The following CNTN4 variants were observed in gnomAD, a reference collection of about 807,000 sequenced individuals.
CNTN4 encodes the protein contactin 4.
A neutral mutation model predicts 122.5 loss-of-function variants in CNTN4; 77 were observed. That is an observed-to-expected ratio of 0.63 (90% CI 0.52 to 0.76). CNTN4 has a LOEUF of 0.76. Among genes scored for constraint, CNTN4 ranks in the 30% least tolerant of loss-of-function variants. The pLI is 0.00. For missense variants in CNTN4, 1,256 were observed against 1,259.1 expected (o/e 1.00, Z 0.04); for synonymous variants, 512 against 447.0 (o/e 1.15, Z -1.83).
rs897202463 is a variant in CNTN4 at position 2,533,880 on chromosome 3, A to T, written c.-88-37536A>T. 2.0e-5 allele frequency among the ~76,000 whole-genome samples: 3 copies of T among 151,126 alleles called. No individual in the cohort carries two copies. In the East Asian group the frequency reaches 5.8e-4, roughly 29 times the overall value. ...GACCAGTGATGATGAGCATTTTTTC[A>T]TGTGTCTGTTGGCTGCACAAATGTC... On this transcript the variant is annotated intron_variant, in intron 3 of 24. Coordinates refer to ENST00000418658, the MANE Select transcript of CNTN4 (RefSeq NM_175607.3).
At position 2,796,535 on chromosome 3, in the gene CNTN4, G is replaced by A. The variant is rs540109767; in HGVS notation, c.359-22951G>A. Among the ~76,000 whole-genome samples, 27 of 152,036 alleles carry A rather than the reference G, an allele frequency of 1.8e-4. 1 individual carries two copies. The East Asian group carries it at 4.8e-3, about 27-fold the overall frequency. On this transcript the variant is annotated intron_variant, in intron 6 of 24. Coordinates refer to ENST00000418658, the MANE Select transcript of CNTN4 (RefSeq NM_175607.3). ...GAGCTAGAATCTAAAAATAAAACCCGTACTTAATACACAAGCTAAATATAC... is the reference window on the plus strand; with the variant it reads ...GAGCTAGAATCTAAAAATAAAACCCATACTTAATACACAAGCTAAATATAC...
At position 2,354,230 on chromosome 3, in the gene CNTN4, GAAT is replaced by G. The variant is rs772531825; in HGVS notation, c.-89+15000_-89+15002del. 6.7e-4 allele frequency among the ~76,000 whole-genome samples: 102 copies of G among 152,278 alleles called. 1 individual carries two copies. The highest frequency in any genetic ancestry group is 3.4e-3 in the Middle Eastern group (1 of 294). ...TAATCACTTCCATATTGCTACAGTTGAATAAGAACTGTATTTTGGGCTGGGCAT... is the reference window on the plus strand; with the variant it reads ...TAATCACTTCCATATTGCTACAGTTGAAGAACTGTATTTTGGGCTGGGCAT... On this transcript the variant is annotated intron_variant, in intron 3 of 24. Transcript: ENST00000418658.
intron 14 of CNTN4, chr3:3,009,083 C>T: frequency 1.0e-6 from 1 of 961,162 alleles, no homozygotes; most frequent in Non-Finnish European, 1.2e-6. Flanking sequence ...TCCGGAGCCA[C>T]AATTAGGGAA....
chr3:2,287,853 C>G (rs779343966), intron 2 of CNTN4, among the ~76,000 whole-genome samples: 1 of 152,028 alleles, frequency 6.6e-6, no homozygotes, highest in Non-Finnish European at 1.5e-5. Context: ...ACTTTGTGAA[C>G]TATTTATATT....
chr3:2,288,818 T>C (rs1028228800), intron 2 of CNTN4, among the ~76,000 whole-genome samples: 1 of 152,078 alleles, frequency 6.6e-6, no homozygotes, highest in South Asian at 2.1e-4. Flanking sequence ...GGCTGGAAAA[T>C]GTTAAATAAA....
chr3:2,384,595 C>G (rs534980876), intron 3 of CNTN4, among the ~76,000 whole-genome samples: 1 of 152,118 alleles, frequency 6.6e-6, no homozygotes, highest in South Asian at 2.1e-4. Context: ...TTGCAAATGC[C>G]CAGCTAAATC....
At chr3:2,770,323 C>T (rs946682457) in intron 6 of CNTN4, among the ~76,000 whole-genome samples, 5 of 152,278 alleles carry the variant, frequency 3.3e-5, no homozygotes, top group Admixed American at 6.5e-5. Context: ...CCACCGTTTC[C>T]GGCCCTCTTC....
At chr3:2,195,034 C>A (rs1489513736) in intron 2 of CNTN4, among the ~76,000 whole-genome samples, 1 of 152,100 alleles carries the variant, frequency 6.6e-6, no homozygotes, top group African/African-American at 2.4e-5. Flanking sequence ...TCCAGTCTAT[C>A]TGAGACTTTA....
intron 6 of CNTN4, among the ~76,000 whole-genome samples, chr3:2,793,186 G>C (rs1185595749): frequency 6.6e-6 from 1 of 152,056 alleles, no homozygotes; most frequent in African/African-American, 2.4e-5. Context: ...AAACAGGTTT[G>C]CTTGCTGGAA....
At chr3:2,616,183 C>G (rs2081727602) in intron 4 of CNTN4, among the ~76,000 whole-genome samples, 1 of 144,474 alleles carries the variant, frequency 6.9e-6, no homozygotes, top group East Asian at 2.1e-4. Flanking sequence ...GTGTGTTGTT[C>G]CCCTCCCTGT....
At chr3:2,661,483 G>A (rs6784663) in intron 4 of CNTN4, among the ~76,000 whole-genome samples, 7,872 of 151,316 alleles carry the variant, frequency 0.052, 691 homozygotes, top group African/African-American at 0.18. Context: ...TAAGAAAGAA[G>A]CAAAAAAGCT....
intron 14 of CNTN4, among the ~76,000 whole-genome samples, chr3:3,003,881 C>A (rs190337341): frequency 6.6e-6 from 1 of 152,110 alleles, no homozygotes; most frequent in East Asian, 1.9e-4. Context: ...CACTAGGTAG[C>A]TGGGATTACA....
At chr3:2,820,857 A>G (rs1469017524) in intron 7 of CNTN4, among the ~76,000 whole-genome samples, 1 of 151,712 alleles carries the variant, frequency 6.6e-6, no homozygotes, top group Non-Finnish European at 1.5e-5. Flanking sequence ...GTGGAGACTC[A>G]TAGCAACTAG....
At chr3:2,245,204 G>C (rs1312920962) in intron 2 of CNTN4, among the ~76,000 whole-genome samples, 1 of 151,738 alleles carries the variant, frequency 6.6e-6, no homozygotes, top group African/African-American at 2.4e-5. Context: ...TATTTTGGGA[G>C]ATACTTAGTA....
At chr3:2,169,839 T>C (rs925711255) in intron 2 of CNTN4, among the ~76,000 whole-genome samples, 1 of 151,176 alleles carries the variant, frequency 6.6e-6, no homozygotes, top group Non-Finnish European at 1.5e-5. Flanking sequence ...CTCTGAAGAT[T>C]ATAGTTGGTA....
chr3:2,840,287 A>T (rs2093325731), intron 7 of CNTN4, among the ~76,000 whole-genome samples: 1 of 152,094 alleles, frequency 6.6e-6, no homozygotes, highest in African/African-American at 2.4e-5. Flanking sequence ...AGAGAGAGAG[A>T]ATTTTAACCC....
At chr3:2,237,423 A>G (rs1244617322) in intron 2 of CNTN4, among the ~76,000 whole-genome samples, 4 of 152,166 alleles carry the variant, frequency 2.6e-5, no homozygotes, top group Non-Finnish European at 5.9e-5. Context: ...GCAGTGAGCT[A>G]TAACCCACCA....
At chr3:2,760,900 T>C (rs1319342080) in intron 6 of CNTN4, among the ~76,000 whole-genome samples, 1 of 152,190 alleles carries the variant, frequency 6.6e-6, no homozygotes, top group Admixed American at 6.5e-5. Flanking sequence ...CAAACAAGAA[T>C]GTTAGTGATT....
At chr3:2,162,963 A>T (rs933709158) in intron 2 of CNTN4, among the ~76,000 whole-genome samples, 1 of 152,178 alleles carries the variant, frequency 6.6e-6, no homozygotes, top group Middle Eastern at 3.4e-3. Flanking sequence ...TGGGTGTGGT[A>T]GTGCACACGT....
Sources: gnomAD v4.1 joint callset for allele counts (sites outside exome capture counted in the v4.1 genomes callset) on GRCh38, gnomAD v4.1.1 for gene constraint, MANE v1.5 for transcripts, NCBI Gene and HGNC (gene_info 2026-07-23, HGNC 2026-07-21) for gene names.